Variants in TMEM161B observed in about 807,000 individuals in gnomAD.
The protein encoded by TMEM161B is transmembrane protein 161B.
Under a neutral mutation model 61.8 loss-of-function variants are expected in TMEM161B, and 34 were observed. That is an observed-to-expected ratio of 0.55 (90% CI 0.42 to 0.73). The LOEUF (loss-of-function observed/expected upper bound fraction) is 0.73. Ranked by LOEUF, TMEM161B falls within the 30% of genes least tolerant of loss-of-function variation. The pLI is 0.00. For synonymous variants in TMEM161B, 167 were observed against 192.8 expected (o/e 0.87, Z 1.11); for missense variants, 456 against 558.5 (o/e 0.82, Z 1.85).
chr5:88,250,609 C>G (rs1225870942), intron 1 of TMEM161B: 20 of 152,150 alleles, frequency 1.3e-4, no homozygotes, highest in Admixed American at 1.2e-3. Context: ...CCAACCAGAA[C>G]AGGAGAAGGA....
chr5:88,201,830 T>G (rs1288280544), intron 9 of TMEM161B: 5 of 162,250 alleles, frequency 3.1e-5, no homozygotes, highest in Admixed American at 2.5e-4. Flanking sequence ...ACTTTTTCAG[T>G]GGCTATTTCC....
At chr5:88,244,488 C>T (rs758405301) in intron 1 of TMEM161B, among the ~76,000 whole-genome samples, 24 of 151,426 alleles carry the variant, frequency 1.6e-4, no homozygotes, top group Non-Finnish European at 2.8e-4. Context: ...GCTCCATAGG[C>T]CTATGTGTCT....
chr5:88,258,690 C>T (rs1484199865), intron 1 of TMEM161B, among the ~76,000 whole-genome samples: 1 of 152,066 alleles, frequency 6.6e-6, no homozygotes, highest in Non-Finnish European at 1.5e-5. Context: ...GAAGTTTTGG[C>T]TTCAGTAACA....
intron 1 of TMEM161B, among the ~76,000 whole-genome samples, chr5:88,268,198 G>GT (rs1234890720): frequency 6.6e-6 from 1 of 152,142 alleles, no homozygotes; most frequent in Non-Finnish European, 1.5e-5. Flanking sequence ...CTAAACTCGG[G>GT]TTTTTTATTT....
chr5:88,188,279 ATTT>A (rs35094128), downstream of TMEM161B, among the ~76,000 whole-genome samples: 182 of 143,468 alleles, frequency 1.3e-3, no homozygotes, highest in African/African-American at 3.3e-3. Flanking sequence ...TAATTTTTGT[ATTT>A]TTTTTTTTTT....
At chr5:88,219,111 A>C (rs757993189) in intron 5 of TMEM161B, among the ~76,000 whole-genome samples, 1 of 152,196 alleles carries the variant, frequency 6.6e-6, no homozygotes, top group Non-Finnish European at 1.5e-5. Flanking sequence ...AACTCTACTC[A>C]AGATGAAATT....
At chr5:88,230,020 T>C (rs1007762443) in intron 2 of TMEM161B, among the ~76,000 whole-genome samples, 1 of 151,966 alleles carries the variant, frequency 6.6e-6, no homozygotes, top group South Asian at 2.1e-4. Flanking sequence ...AGTGAGACCG[T>C]ATCTCTACAA....
At position 88,208,287 on chromosome 5, in the gene TMEM161B, T is replaced by C. The variant is rs552758653; in HGVS notation, c.447-1107A>G. 1.0e-3 allele frequency among the ~76,000 whole-genome samples: 157 copies of C among 151,762 alleles called. 1 individual carries two copies. The highest frequency in any genetic ancestry group is 6.8e-3 in the Middle Eastern group (2 of 294). On this transcript the variant is annotated intron_variant, in intron 5 of 11. Coordinates refer to ENST00000296595, the MANE Select transcript of TMEM161B (RefSeq NM_153354.5). ...TCACGAGGTCAGGAGATCGAGACCA[T>C]GCTGGCTAACATGATGAAACCCCGT...
At chr5:88,221,750 T>C (rs1422037804) in intron 4 of TMEM161B, 1 of 456,228 alleles carries the variant, frequency 2.2e-6, no homozygotes, top group Non-Finnish European at 4.4e-6. Flanking sequence ...CATCATTTTT[T>C]AGAAGGCCTC....
intron 1 of TMEM161B, among the ~76,000 whole-genome samples, chr5:88,248,543 C>T (rs774819456): frequency 6.6e-6 from 1 of 152,026 alleles, no homozygotes. Flanking sequence ...GCTCTGCTTA[C>T]AATTCTTGCG....
intron 1 of TMEM161B, among the ~76,000 whole-genome samples, chr5:88,243,691 A>G (rs751185300): frequency 6.6e-6 from 1 of 151,914 alleles, no homozygotes; most frequent in Non-Finnish European, 1.5e-5. Flanking sequence ...ACAATGGCTG[A>G]ACTAATTTGC....
intron 5 of TMEM161B, among the ~76,000 whole-genome samples, chr5:88,209,504 A>G (rs182092100): frequency 6.6e-6 from 1 of 152,192 alleles, no homozygotes; most frequent in Admixed American, 6.5e-5. Flanking sequence ...AAATTACAAA[A>G]TATGTCAACA....
chr5:88,242,351 T>C (rs1267698950), intron 1 of TMEM161B, among the ~76,000 whole-genome samples: 2 of 151,822 alleles, frequency 1.3e-5, no homozygotes, highest in East Asian at 1.9e-4. Flanking sequence ...GTACACCATA[T>C]TCCTTGCTTT....
Position 88,220,732 on chromosome 5 carries a change from AAAAAAAAAAAAAAAAAAAAGGTC to A in TMEM161B, c.290-36_290-14del. ...AAGTAATGCAATGCTGGAAAGAAAAAAAAAAAAAAAAAAAAAAAAGGTCAAAAAAAACAGTTTCACTTACATTT... is the reference window on the plus strand; with the variant it reads ...AAGTAATGCAATGCTGGAAAGAAAAAAAAAAAAACAGTTTCACTTACATTT... On this transcript the variant is annotated splice_polypyrimidine_tract_variant and intron_variant, in intron 4 of 11. Transcript: ENST00000296595. 3 of 1,484,212 alleles carry A rather than the reference AAAAAAAAAAAAAAAAAAAAGGTC, an allele frequency of 2.0e-6. No individual in the cohort carries two copies. Among genetic ancestry groups the A allele is most frequent in the Non-Finnish European group, 2.7e-6 (3 of 1,115,540 alleles). The allele number at this position is 1,484,212 out of a possible 1,614,324, so 91.9% of individuals were successfully genotyped here.
chr5:88,268,188 C>A (rs1561442009), intron 1 of TMEM161B, among the ~76,000 whole-genome samples: 1 of 152,196 alleles, frequency 6.6e-6, no homozygotes. Context: ...TCTGTCCTTA[C>A]TAAACTCGGG....
At chr5:88,233,022 A>T (rs750411909) in intron 2 of TMEM161B, among the ~76,000 whole-genome samples, 7 of 152,176 alleles carry the variant, frequency 4.6e-5, no homozygotes, top group Non-Finnish European at 1.0e-4. Flanking sequence ...CAAAGTTGGA[A>T]TCTAAGGATG....
In TMEM161B at chr5:88,228,096, A is replaced by G. The variant is rs1040279119; in HGVS notation, c.191+349T>C. Among the ~76,000 whole-genome samples the G allele has an allele frequency of 9.3e-4, 142 of 152,268 alleles. 1 individual carries two copies. Among genetic ancestry groups the G allele is most frequent in the African/African-American group, 3.3e-3 (138 of 41,562 alleles). ...GTTAATTTCCCCAATGCCACAATAC[A>G]CAGTAGCAGCAAAAACTGGAAAATA... is the stretch of plus-strand genomic sequence containing the variant. On this transcript the variant is annotated intron_variant, in intron 3 of 11. Transcript: ENST00000296595.
At chr5:88,226,941 G>A (rs1004413889) in intron 3 of TMEM161B, among the ~76,000 whole-genome samples, 3 of 152,032 alleles carry the variant, frequency 2.0e-5, no homozygotes, top group African/African-American at 7.2e-5. Context: ...GGGTAACACC[G>A]GGAGACCCTG....
At chr5:88,219,767 G>A (rs1455251596) in intron 5 of TMEM161B, among the ~76,000 whole-genome samples, 1 of 152,002 alleles carries the variant, frequency 6.6e-6, no homozygotes, top group African/African-American at 2.4e-5. Flanking sequence ...GATAATTCCA[G>A]GCAAGCAAGA....
Sources: allele counts gnomAD v4.1 joint callset (sites outside exome capture counted in the v4.1 genomes callset), GRCh38; gene constraint gnomAD v4.1.1; transcripts MANE v1.5; gene names NCBI Gene and HGNC (gene_info 2026-07-23, HGNC 2026-07-21).